VIL1: variants seen among roughly 807,000 people sequenced by gnomAD.
The protein encoded by VIL1 is villin 1.
A neutral mutation model predicts 104.0 loss-of-function variants in VIL1; 86 were observed. That is an observed-to-expected ratio of 0.83 (90% CI 0.69 to 0.99). VIL1 has a LOEUF of 0.99. VIL1 is among the 50% of genes least tolerant of loss of function. The pLI is 0.00. For synonymous variants in VIL1, 394 were observed against 412.6 expected, an observed-to-expected ratio of 0.95 and a Z score of 0.55; for missense variants, 944 against 1,054.1, an observed-to-expected ratio of 0.90 and a Z score of 1.45.
intron 2 of VIL1, 74 bp downstream of exon 2, chr2:218,423,927 G>A (rs1688934773): frequency 6.4e-7 from 1 of 1,557,312 alleles, no homozygotes; most frequent in Non-Finnish European, 8.8e-7. Flanking sequence ...GGGAGGCCTG[G>A]GATTTCTCTT....
intron 10 of VIL1, chr2:218,431,103 CTT>C (rs938155364): frequency 1.6e-6 from 1 of 625,792 alleles, no homozygotes; most frequent in Admixed American, 3.2e-5. Context: ...AATCCCAGCA[CTT>C]TGGGAGGCTG....
chr2:218,429,715 G>T (rs372167402), intron 8 of VIL1, 40 bp downstream of exon 8: 12 of 1,611,784 alleles, frequency 7.4e-6, no homozygotes, highest in Non-Finnish European at 9.3e-6. Context: ...CTGCAGCCTG[G>T]CCCCCTTTCC....
intron 19 of VIL1, among the ~76,000 whole-genome samples, chr2:218,441,152 G>A (rs565601422): frequency 6.6e-6 from 1 of 152,170 alleles, no homozygotes; most frequent in Non-Finnish European, 1.5e-5. Flanking sequence ...ACTTTGGGAG[G>A]CCGAGGTGGG....
intron 12 of VIL1, 185 bp downstream of exon 12, chr2:218,432,368 G>A: frequency 1.1e-6 from 1 of 929,502 alleles, no homozygotes; most frequent in East Asian, 2.6e-5. Context: ...TTTCCTTTTG[G>A]TTCTCTGAGT....
At chr2:218,434,841 G>A (rs1057385363) in intron 14 of VIL1, 136 bp downstream of exon 14, 10 of 902,274 alleles carry the variant, frequency 1.1e-5, no homozygotes, top group Non-Finnish European at 1.7e-5. Flanking sequence ...CGCCTCTGGA[G>A]CCCAGTCTCT....
At chr2:218,425,506 G>A in intron 3 of VIL1, 109 bp from the exon 4 acceptor site, 1 of 1,138,240 alleles carries the variant, frequency 8.8e-7, no homozygotes, top group Non-Finnish European at 1.3e-6. Flanking sequence ...CACTTGCCCT[G>A]TGCCACGCTC....
intron 4 of VIL1, among the ~76,000 whole-genome samples, chr2:218,426,664 C>T (rs1471355093): frequency 1.3e-5 from 2 of 151,572 alleles, no homozygotes; most frequent in African/African-American, 2.4e-5. Flanking sequence ...TGCAGTGGCG[C>T]GATCTCAACT....
chr2:218,437,585 A>C (rs531124190), intron 17 of VIL1, among the ~76,000 whole-genome samples: 1 of 152,334 alleles, frequency 6.6e-6, no homozygotes, highest in Non-Finnish European at 1.5e-5. Context: ...AAATGTACTG[A>C]TTACTTAAAT....
Position 218,432,014 on chromosome 2 carries a change from T to C in VIL1, c.1204-32T>C, listed in dbSNP as rs376612408. 88 of 1,613,912 alleles carry C rather than the reference T, an allele frequency of 5.5e-5. No individual in the cohort carries two copies. In the African/African-American group the frequency reaches 1.1e-3, roughly 20 times the overall value. ...GGAGCAGGAATGGTGGAGCCTGTCC[T>C]GGACCTCACCCTGGCCTGATACTGG... On this transcript the variant is annotated intron_variant, in intron 11 of 19. Transcript: ENST00000248444.
At chr2:218,430,673 G>A (rs1318034441) in intron 9 of VIL1, 52 bp from the exon 10 acceptor site, 9 of 1,529,612 alleles carry the variant, frequency 5.9e-6, no homozygotes, top group South Asian at 5.2e-5. Context: ...CTTGCATTGG[G>A]AGTGGGGACT....
At chr2:218,444,321 C>T (rs1689330420) in intron 19 of VIL1, among the ~76,000 whole-genome samples, 1 of 151,698 alleles carries the variant, frequency 6.6e-6, no homozygotes, top group Admixed American at 6.6e-5. Flanking sequence ...GCTCTGTCGC[C>T]CAAGCTGGAG....
intron 19 of VIL1, among the ~76,000 whole-genome samples, chr2:218,447,410 T>G (rs1382625580): frequency 8.5e-5 from 13 of 152,178 alleles, no homozygotes; most frequent in Admixed American, 5.2e-4. Context: ...CTCTGCCACC[T>G]GGGCTCAAGT....
At chr2:218,432,295 T>C in intron 12 of VIL1, 112 bp downstream of exon 12, 4 of 1,459,222 alleles carry the variant, frequency 2.7e-6, no homozygotes, top group Non-Finnish European at 3.7e-6. Context: ...GATGGGGTGC[T>C]CACCCCTTCA....
chr2:218,447,178 C>A (rs1689378860), intron 19 of VIL1, among the ~76,000 whole-genome samples: 1 of 152,174 alleles, frequency 6.6e-6, no homozygotes, highest in African/African-American at 2.4e-5. Context: ...TTTGCTCCAT[C>A]CATTAGGGCT....
At chr2:218,441,214 C>T (rs1472543332) in intron 19 of VIL1, among the ~76,000 whole-genome samples, 3 of 151,832 alleles carry the variant, frequency 2.0e-5, no homozygotes, top group Non-Finnish European at 2.9e-5. Flanking sequence ...TATGGGGAAA[C>T]CCCATCTCTA....
At chr2:218,420,464 AAAAG>A (rs1688883600) in intron 1 of VIL1, among the ~76,000 whole-genome samples, 3 of 151,520 alleles carry the variant, frequency 2.0e-5, no homozygotes, top group African/African-American at 2.4e-5. Context: ...AAAAAAAGAA[AAAAG>A]AAAGAAAGGC....
chr2:218,419,983 G>A (rs1049479005), intron 1 of VIL1, among the ~76,000 whole-genome samples: 32 of 152,316 alleles, frequency 2.1e-4, no homozygotes, highest in African/African-American at 7.5e-4. Flanking sequence ...CTGGGAAGCA[G>A]GAGGATGTCC....
intron 17 of VIL1, 120 bp downstream of exon 17, chr2:218,437,432 G>A (rs1227972634): frequency 1.5e-6 from 2 of 1,317,380 alleles, no homozygotes; most frequent in Non-Finnish European, 2.1e-6. Context: ...GGGGCTAGAG[G>A]AGGCTTAGAA....
chr2:218,425,962 G>C, intron 4 of VIL1, 151 bp downstream of exon 4: 2 of 820,358 alleles, frequency 2.4e-6, no homozygotes, highest in Non-Finnish European at 3.6e-6. Context: ...GCGGGGAAGG[G>C]ACCCTGAAGC....
Sources: gnomAD v4.1 joint callset for allele counts (sites outside exome capture counted in the v4.1 genomes callset) on GRCh38, gnomAD v4.1.1 for gene constraint, MANE v1.5 for transcripts, NCBI Gene and HGNC (gene_info 2026-07-23, HGNC 2026-07-21) for gene names.